CFAP20DC: variants seen among roughly 807,000 people sequenced by gnomAD.
CFAP20DC encodes the protein protein CFAP20DC.
In CFAP20DC, 84 loss-of-function variants were observed where a neutral mutation model predicts 101.7. The observed-to-expected ratio is 0.83, with a 90% CI of 0.69 to 0.99. The LOEUF is 0.99. Among genes scored for constraint, CFAP20DC ranks in the 50% least tolerant of loss-of-function variants. The probability of loss-of-function intolerance (pLI) is 0.00; values close to 1 mark genes in which losing one functional copy is unlikely to be tolerated. For synonymous variants in CFAP20DC, 359 were observed against 351.2 expected (o/e 1.02, Z -0.25); for missense variants, 1,007 against 970.3 (o/e 1.04, Z -0.50).
chr3:58,977,494 G>A (rs535000970), intron 4 of CFAP20DC, among the ~76,000 whole-genome samples: 2 of 152,248 alleles, frequency 1.3e-5, no homozygotes, highest in African/African-American at 2.4e-5. Flanking sequence ...AAACACTGAG[G>A]TAAGCCCTGA....
chr3:59,031,044 G>T lies in CFAP20DC; in HGVS notation c.278+8513C>A, dbSNP rs528475218. Among the ~76,000 whole-genome samples, 31 of 151,522 alleles carry T rather than the reference G, an allele frequency of 2.0e-4. No homozygotes were observed. The South Asian group carries it at 6.5e-3, about 32-fold the overall frequency. Reference sequence around the variant, plus strand: ...TCACCATGTTAGCCAGGATAGTCTCGATCTCCTGACCTCGTGATCCACACA... The same window carrying T: ...TCACCATGTTAGCCAGGATAGTCTCTATCTCCTGACCTCGTGATCCACACA... On this transcript the variant is annotated intron_variant, in intron 4 of 16. Transcript: ENST00000482387.
At chr3:58,893,298 C>T (rs948384641) in intron 6 of CFAP20DC, among the ~76,000 whole-genome samples, 1 of 152,150 alleles carries the variant, frequency 6.6e-6, no homozygotes, top group Non-Finnish European at 1.5e-5. Context: ...CCTGTCTTGG[C>T]CTCCCAAAGT....
Position 58,820,998 on chromosome 3 carries a change from C to T in CFAP20DC, c.2175+10688G>A, listed in dbSNP as rs527286102. Among the ~76,000 whole-genome samples, 6 of 151,774 alleles carry T rather than the reference C, an allele frequency of 4.0e-5. No individual in the cohort carries two copies. The East Asian group carries it at 7.8e-4, about 20-fold the overall frequency. On this transcript the variant is annotated intron_variant, in intron 14 of 16. Coordinates refer to ENST00000482387, the MANE Select transcript of CFAP20DC (RefSeq NM_001394063.1). ...CCTCAGAAATAACGCCACATATCTA[C>T]AATTATCTGATCTTTGACAAACCTG...
intron 14 of CFAP20DC, among the ~76,000 whole-genome samples, chr3:58,807,097 C>A (rs979032386): frequency 9.2e-5 from 14 of 152,204 alleles, no homozygotes; most frequent in Non-Finnish European, 1.6e-4. Flanking sequence ...CACCACAACT[C>A]AAGGAGGCCT....
In CFAP20DC at chr3:58,875,610, T is replaced by C. The variant is rs940692149; in HGVS notation, c.716-5301A>G. ...TACAAGAACAATTTCCTGATGTTTT[T>C]TCATATTCTTTCTCTATAAGGAAGT... On this transcript the variant is annotated intron_variant, in intron 7 of 16. Transcript: ENST00000482387. Among the ~76,000 whole-genome samples, 3 of 152,306 alleles carry C rather than the reference T, an allele frequency of 2.0e-5. No individual in the cohort carries two copies. In the East Asian group the frequency reaches 5.8e-4, roughly 29 times the overall value.
intron 4 of CFAP20DC, among the ~76,000 whole-genome samples, chr3:58,973,544 G>A (rs373141844): frequency 5.1e-4 from 78 of 152,226 alleles, no homozygotes; most frequent in Non-Finnish European, 5.1e-4. Context: ...TTATCTCACC[G>A]TATTTCATTG....
chr3:59,032,510 G>T (rs990194233), intron 4 of CFAP20DC, among the ~76,000 whole-genome samples: 1 of 152,114 alleles, frequency 6.6e-6, no homozygotes, highest in Non-Finnish European at 1.5e-5. Context: ...GAGCTTGGTG[G>T]GGGGAGGGGC....
intron 15 of CFAP20DC, among the ~76,000 whole-genome samples, chr3:58,763,346 T>A (rs571355043): frequency 7.0e-6 from 1 of 142,478 alleles, no homozygotes; most frequent in African/African-American, 2.6e-5. Flanking sequence ...CTGAGGCTTG[T>A]GTATTCATCA....
intron 4 of CFAP20DC, among the ~76,000 whole-genome samples, chr3:58,939,359 C>T (rs2088176003): frequency 6.6e-6 from 1 of 152,016 alleles, no homozygotes; most frequent in Non-Finnish European, 1.5e-5. Context: ...GAAAAGGGAA[C>T]AAAAAGAGGG....
At chr3:58,994,929 G>T (rs2093064277) in intron 4 of CFAP20DC, among the ~76,000 whole-genome samples, 1 of 152,086 alleles carries the variant, frequency 6.6e-6, no homozygotes. Context: ...TCCTTATGCA[G>T]CAGGGGGAGC....
chr3:58,794,185 A>T (rs1263753308), intron 15 of CFAP20DC: 1 of 327,994 alleles, frequency 3.0e-6, no homozygotes, highest in Non-Finnish European at 6.3e-6. Context: ...TTTACCTCAA[A>T]ATGTGGGAAG....
At chr3:58,967,662 A>G (rs1267223914) in intron 4 of CFAP20DC, among the ~76,000 whole-genome samples, 1 of 152,174 alleles carries the variant, frequency 6.6e-6, no homozygotes, top group Non-Finnish European at 1.5e-5. Flanking sequence ...TGAATCAACA[A>G]CGAAAAGATA....
chr3:58,812,141 G>A (rs1559628044), intron 14 of CFAP20DC, among the ~76,000 whole-genome samples: 2 of 152,160 alleles, frequency 1.3e-5, no homozygotes, highest in Non-Finnish European at 2.9e-5. Context: ...GTGGAAGTCA[G>A]TGTGGCGATT....
At chr3:59,026,282 C>G (rs1297702607) in intron 4 of CFAP20DC, among the ~76,000 whole-genome samples, 1 of 152,078 alleles carries the variant, frequency 6.6e-6, no homozygotes, top group Non-Finnish European at 1.5e-5. Context: ...TACAATACTT[C>G]TAGTTTAAAA....
intron 15 of CFAP20DC, among the ~76,000 whole-genome samples, chr3:58,781,070 C>T (rs1326376856): frequency 1.3e-5 from 2 of 151,742 alleles, no homozygotes; most frequent in African/African-American, 4.8e-5. Flanking sequence ...TTTTAAACAT[C>T]AAAATCTTAT....
At chr3:59,028,189 G>A (rs547393411) in intron 4 of CFAP20DC, among the ~76,000 whole-genome samples, 4 of 152,288 alleles carry the variant, frequency 2.6e-5, no homozygotes, top group African/African-American at 9.6e-5. Flanking sequence ...ACAGGCATAT[G>A]ATCCTGAATA....
chr3:59,036,622 C>A (rs2094108680), intron 4 of CFAP20DC, among the ~76,000 whole-genome samples: 1 of 152,118 alleles, frequency 6.6e-6, no homozygotes, highest in South Asian at 2.1e-4. Flanking sequence ...GAACTATAAA[C>A]CACTGCTCAA....
chr3:59,004,222 G>A (rs946197918), intron 4 of CFAP20DC, among the ~76,000 whole-genome samples: 4 of 152,084 alleles, frequency 2.6e-5, no homozygotes, highest in Non-Finnish European at 4.4e-5. Flanking sequence ...TATAGCAGGT[G>A]TTCAATAAGT....
intron 5 of CFAP20DC, among the ~76,000 whole-genome samples, chr3:58,920,069 ATTCT>A (rs2085176457): frequency 1.0e-5 from 1 of 100,478 alleles, no homozygotes; most frequent in East Asian, 3.2e-4. Flanking sequence ...TAGGGTGGAT[ATTCT>A]TTTTTTTTTT....
Sources: allele counts gnomAD v4.1 joint callset (sites outside exome capture counted in the v4.1 genomes callset), GRCh38; gene constraint gnomAD v4.1.1; transcripts MANE v1.5; gene names NCBI Gene and HGNC (gene_info 2026-07-23, HGNC 2026-07-21).